Variants in MANBA observed in about 807,000 individuals in gnomAD.
The protein encoded by MANBA is mannosidase beta.
A neutral mutation model predicts 111.1 loss-of-function variants in MANBA; 83 were observed. The ratio of observed to expected loss-of-function variants is 0.75; its 90% CI spans 0.63 to 0.90. The LOEUF is 0.90. Among genes scored for constraint, MANBA ranks in the 40% least tolerant of loss-of-function variants. MANBA has a pLI of 0.00. For synonymous variants in MANBA, 370 were observed against 378.7 expected (o/e 0.98, Z 0.27); for missense variants, 1,036 against 1,069.0 (o/e 0.97, Z 0.43).
Position 102,631,780 on chromosome 4 carries a change from T to C in MANBA, c.*277A>G, listed in dbSNP as rs1265800341. ...GGGCCATCTTGTTATAACTGGTTCA[T>C]GTCCTGCTAAAGCTGAGAGGTGAAG... On this transcript the variant is annotated 3_prime_UTR_variant, in exon 17 of 17. Coordinates refer to ENST00000647097, the MANE Select transcript of MANBA (RefSeq NM_005908.4). The C allele has an allele frequency of 1.7e-5, 10 of 599,250 alleles. No homozygotes were observed. Among genetic ancestry groups the C allele is most frequent in the Non-Finnish European group, 3.0e-5 (10 of 337,638 alleles). The allele number at this position is 599,250 out of a possible 1,614,324, so 37.1% of individuals were successfully genotyped here.
chr4:102,676,923 G>A (rs200118779), intron 7 of MANBA, among the ~76,000 whole-genome samples: 1 of 150,308 alleles, frequency 6.7e-6, no homozygotes. Flanking sequence ...GCAGGAAAAT[G>A]AAAAAAAAAC....
At chr4:102,688,376 C>T (rs1732316487) in intron 7 of MANBA, among the ~76,000 whole-genome samples, 1 of 136,266 alleles carries the variant, frequency 7.3e-6, no homozygotes, top group African/African-American at 2.9e-5. Context: ...CTCTCTCTCC[C>T]CTCCCCCCTT....
chr4:102,675,949 C>T (rs1185972403), intron 7 of MANBA, among the ~76,000 whole-genome samples: 2 of 151,860 alleles, frequency 1.3e-5, no homozygotes, highest in African/African-American at 2.4e-5. Flanking sequence ...CCAGCCTGGG[C>T]TACAGAACAA....
At chr4:102,652,718 C>T (rs190309039) in intron 12 of MANBA, among the ~76,000 whole-genome samples, 155 of 152,064 alleles carry the variant, frequency 1.0e-3, no homozygotes, top group African/African-American at 3.3e-3. Flanking sequence ...TAGTGAGACC[C>T]CATCTCTACA....
chr4:102,645,559 T>C (rs1376733832), intron 13 of MANBA, among the ~76,000 whole-genome samples: 1 of 152,088 alleles, frequency 6.6e-6, no homozygotes, highest in Non-Finnish European at 1.5e-5. Context: ...ATCTCCTTAG[T>C]TGTTATAGGG....
chr4:102,688,290 C>T (rs538216742), intron 7 of MANBA, among the ~76,000 whole-genome samples: 35 of 149,688 alleles, frequency 2.3e-4, no homozygotes, highest in African/African-American at 4.5e-4. Context: ...TGTGTGCGTG[C>T]GCGCGCACAC....
chr4:102,667,250 A>G (rs1269101001), intron 10 of MANBA: 2 of 152,234 alleles, frequency 1.3e-5, no homozygotes, highest in African/African-American at 4.8e-5. Context: ...ACATATTGAA[A>G]GAGACCAATG....
At chr4:102,669,349 C>A (rs1202484984) in intron 9 of MANBA, among the ~76,000 whole-genome samples, 1 of 152,214 alleles carries the variant, frequency 6.6e-6, no homozygotes, top group Non-Finnish European at 1.5e-5. Flanking sequence ...CAGAATGAGG[C>A]TTCCCTCCAG....
chr4:102,686,545 A>G (rs905495314), intron 7 of MANBA, among the ~76,000 whole-genome samples: 5 of 152,208 alleles, frequency 3.3e-5, no homozygotes, highest in Admixed American at 3.3e-4. Flanking sequence ...TCAACCCACT[A>G]CAATTTGATT....
chr4:102,669,762 C>T (rs1426782012), intron 9 of MANBA, among the ~76,000 whole-genome samples: 5 of 152,102 alleles, frequency 3.3e-5, no homozygotes, highest in Admixed American at 6.5e-5. Flanking sequence ...GGGCAGATCA[C>T]GAGGTCAGGA....
intron 5 of MANBA, among the ~76,000 whole-genome samples, chr4:102,699,897 C>A (rs1285364751): frequency 1.3e-5 from 2 of 150,860 alleles, no homozygotes; most frequent in Non-Finnish European, 3.0e-5. Context: ...AGGATTCCCT[C>A]TTTTTCTATT....
At chr4:102,708,167 C>A (rs1733387739) in intron 5 of MANBA, among the ~76,000 whole-genome samples, 1 of 152,014 alleles carries the variant, frequency 6.6e-6, no homozygotes, top group Non-Finnish European at 1.5e-5. Flanking sequence ...GAAACTAATA[C>A]ACATTTAAAA....
chr4:102,640,722 G>T (rs1371324303), intron 13 of MANBA, among the ~76,000 whole-genome samples: 1 of 152,088 alleles, frequency 6.6e-6, no homozygotes, highest in African/African-American at 2.4e-5. Context: ...AAAGAATGGT[G>T]CATATGGCCA....
intron 5 of MANBA, chr4:102,691,087 C>G (rs1265396224): frequency 6.6e-6 from 1 of 151,838 alleles, no homozygotes; most frequent in Non-Finnish European, 1.5e-5. Context: ...ATAAATTTTC[C>G]AAGAATAATA....
intron 7 of MANBA, among the ~76,000 whole-genome samples, chr4:102,678,480 C>T: frequency 6.6e-6 from 1 of 151,876 alleles, no homozygotes; most frequent in Middle Eastern, 3.2e-3. Context: ...TATTTGCATC[C>T]AAAGTAAATA....
chr4:102,678,601 G>A (rs1158499035), intron 7 of MANBA, among the ~76,000 whole-genome samples: 9 of 151,754 alleles, frequency 5.9e-5, no homozygotes, highest in African/African-American at 7.3e-5. Context: ...TGTGTAAGTC[G>A]GGCAGTTAGA....
chr4:102,753,516 C>G (rs932039774), intron 1 of MANBA, among the ~76,000 whole-genome samples: 4 of 152,072 alleles, frequency 2.6e-5, no homozygotes, highest in African/African-American at 9.7e-5. Context: ...AGAAATTCTT[C>G]AAATCATGAG....
chr4:102,731,079 G>A (rs560500130), intron 1 of MANBA, among the ~76,000 whole-genome samples: 10 of 152,178 alleles, frequency 6.6e-5, no homozygotes, highest in East Asian at 1.9e-4. Flanking sequence ...TAGGGACTGC[G>A]TTGAGGATAA....
intron 10 of MANBA, chr4:102,668,008 T>G (rs1731302756): frequency 6.6e-6 from 1 of 152,226 alleles, no homozygotes; most frequent in Non-Finnish European, 1.5e-5. Flanking sequence ...TAGCATATGA[T>G]ACACTCACAA....
Sources: gnomAD v4.1 joint callset for allele counts (sites outside exome capture counted in the v4.1 genomes callset) on GRCh38, gnomAD v4.1.1 for gene constraint, MANE v1.5 for transcripts, NCBI Gene and HGNC (gene_info 2026-07-23, HGNC 2026-07-21) for gene names.